The following GDF5 variants were observed in gnomAD, a reference collection of about 807,000 sequenced individuals.
The protein encoded by GDF5 is growth differentiation factor 5, also known as growth/differentiation factor 5.
In GDF5, 17 loss-of-function variants were observed where a neutral mutation model predicts 34.6. That is an observed-to-expected ratio of 0.49 (90% CI 0.34 to 0.74). The LOEUF (loss-of-function observed/expected upper bound fraction) is 0.74. Among genes scored for constraint, GDF5 ranks in the 30% least tolerant of loss-of-function variants. The pLI is 0.01. For synonymous variants in GDF5, 332 were observed against 290.7 expected, an observed-to-expected ratio of 1.14 and a Z score of -1.44; for missense variants, 616 against 661.2, an observed-to-expected ratio of 0.93 and a Z score of 0.75.
At chr20:35,451,052 A>ATATATATATATAT (rs1483480159) in intron 1 of GDF5, among the ~76,000 whole-genome samples, 46 of 22,902 alleles carry the variant, frequency 2.0e-3, no homozygotes, top group African/African-American at 6.9e-3. Context: ...GAAAAAAAAA[A>ATATATATATATAT]AAAAAAAAAA....
rs758024481 is a variant in GDF5, at chr20:35,434,641, C to T, written c.774G>A (p.Gly258=). ...TGGACAGCTTCAGCTGGGCAGCCCGCCCGCCTCCGGGGGCCGCTGGCTTGG... is the reference window on the plus strand; with the variant it reads ...TGGACAGCTTCAGCTGGGCAGCCCGTCCGCCTCCGGGGGCCGCTGGCTTGG... ...DTAKPAAPGG[G]RAAQLKLSSC... is the part of the protein sequence containing the mutation. Residue 258 remains glycine, a synonymous_variant, in exon 2 of 2, where the codon GGG becomes GGA. Transcript: ENST00000374369. 1.2e-5 allele frequency: 19 copies of T among 1,608,370 alleles called. No individual in the cohort carries two copies.
At chr20:35,443,239 T>G (rs746320420) in intron 1 of GDF5, among the ~76,000 whole-genome samples, 4 of 152,202 alleles carry the variant, frequency 2.6e-5, no homozygotes, top group Non-Finnish European at 4.4e-5. Flanking sequence ...AACCAGATGC[T>G]GCCGCTGGCA....
chr20:35,434,639 C>T lies in GDF5; in HGVS notation c.776G>A (p.Arg259Gln). 8.1e-6 allele frequency: 13 copies of T among 1,607,794 alleles called. No individual in the cohort carries two copies. Among genetic ancestry groups the T allele is most frequent in the South Asian group, 1.1e-5 (1 of 90,834 alleles). The stretch of plus-strand genomic sequence containing the variant: ...GCTGGACAGCTTCAGCTGGGCAGCC[C>T]GCCCGCCTCCGGGGGCCGCTGGCTT... ...TAKPAAPGGGRAAQLKLSSCP... is the reference protein window; with the variant it reads ...TAKPAAPGGGQAAQLKLSSCP... The change falls in exon 2 of 2, where the codon CGG (arginine) becomes CAG (glutamine). Residue 259 changes from arginine to glutamine, a missense_variant. Arg to Gln is a conservative substitution (Grantham distance 43). Coordinates refer to ENST00000374369, the MANE Select transcript of GDF5 (RefSeq NM_000557.5).
chr20:35,437,153 A>G, intron 1 of GDF5, 145 bp downstream of exon 1: 2 of 651,232 alleles, frequency 3.1e-6, no homozygotes, highest in South Asian at 3.6e-5. Flanking sequence ...TATGTGTGAG[A>G]TATGTGTCAG....
chr20:35,444,981 G>A (rs1490379556), intron 1 of GDF5, among the ~76,000 whole-genome samples: 2 of 152,144 alleles, frequency 1.3e-5, no homozygotes, highest in Admixed American at 6.5e-5. Flanking sequence ...TGATCCACCC[G>A]CCTCAGCCTC....
chr20:35,437,217 A>G lies in GDF5; in HGVS notation c.631+81T>C, dbSNP rs2062475816. ...TGCACACAGTGTCTCCCACCAGGGC[A>G]GTGCCAGGGCTTTGAAAGCCCCTCC... On this transcript the variant is annotated intron_variant, in intron 1 of 1. Transcript: ENST00000374369. The G allele has an allele frequency of 1.1e-5, 11 of 997,626 alleles. No individual in the cohort carries two copies. In the South Asian group the frequency reaches 1.4e-4, roughly 13 times the overall value. 61.8% of individuals were successfully genotyped at this position (997,626 alleles called of 1,614,324 possible).
exon 1 of GDF5, chr20:35,454,647 T>C (rs905030498): frequency 2.0e-5 from 3 of 152,164 alleles, no homozygotes; most frequent in Non-Finnish European, 4.4e-5. Flanking sequence ...CGCCTGTAAG[T>C]GTTATGCTGC....
chr20:35,443,196 T>C (rs1479940744), upstream of GDF5, among the ~76,000 whole-genome samples: 2 of 152,136 alleles, frequency 1.3e-5, no homozygotes, highest in Non-Finnish European at 2.9e-5. Flanking sequence ...ACTATAAAGG[T>C]GACTAATCAC....
upstream of GDF5, among the ~76,000 whole-genome samples, chr20:35,440,683 C>A (rs988235780): frequency 2.0e-5 from 3 of 152,182 alleles, no homozygotes; most frequent in African/African-American, 7.2e-5. Context: ...TCTGCCTCTG[C>A]CCCCTATCCC....
upstream of GDF5, among the ~76,000 whole-genome samples, chr20:35,438,824 C>CGTGTGT (rs57641919): frequency 0.054 from 6,766 of 126,378 alleles, 234 homozygotes; most frequent in Middle Eastern, 0.076. Context: ...ATTTGTTATG[C>CGTGTGT]GTGTGTGTGT....
rs1320654037 is a variant in GDF5 at position 35,434,223 on chromosome 20, C to A, written c.1192G>T (p.Ala398Ser). The change falls in exon 2 of 2, where the codon GCT becomes TCT. Residue 398 changes from alanine to serine, a missense_variant. Ala to Ser is a moderately conservative substitution (Grantham distance 99). Coordinates refer to ENST00000374369, the MANE Select transcript of GDF5 (RefSeq NM_000557.5). ...QGKRPSKNLKARCSRKALHVN... is the reference protein window; with the variant it reads ...QGKRPSKNLKSRCSRKALHVN... The stretch of plus-strand genomic sequence containing the variant: ...TGCAGTGCCTTCCGACTGCAGCGAG[C>A]CTTAAGGTTCTTGCTGGGTCGCTTG... The A allele has an allele frequency of 1.2e-6, 2 of 1,614,218 alleles. No individual in the cohort carries two copies. Among genetic ancestry groups the A allele is most frequent in the Admixed American group, 1.7e-5 (1 of 60,026 alleles).
rs755054277 is a variant in GDF5, at chr20:35,437,766, G to T, written c.163C>A (p.Arg55=). The T allele has an allele frequency of 7.4e-6, 12 of 1,611,930 alleles. No individual in the cohort carries two copies. The highest frequency in any genetic ancestry group is 9.3e-6 in the Non-Finnish European group (11 of 1,178,934). ...TGACCCCCTGGCCTGAAGACGTTCC[G>T]GGCCAGGGGGGGCCTCTCCTTGGCC... ...AEAKERPPLA[R]NVFRPGGHSY... is the part of the protein sequence containing the mutation. Residue 55 remains arginine (R), a synonymous_variant, in exon 1 of 2, where the codon CGG becomes AGG. Transcript: ENST00000374369.
chr20:35,442,044 T>C (rs1207677872), upstream of GDF5, among the ~76,000 whole-genome samples: 2 of 152,178 alleles, frequency 1.3e-5, no homozygotes, highest in African/African-American at 4.8e-5. Context: ...TCTCACCATG[T>C]TGCCCAGGCT....
chr20:35,445,722 C>A (rs148561211), intron 1 of GDF5, among the ~76,000 whole-genome samples: 2,876 of 151,868 alleles, frequency 0.019, 47 homozygotes, highest in South Asian at 0.099. Flanking sequence ...GTAATCCCAG[C>A]ACTTTGGGAG....
intron 1 of GDF5, among the ~76,000 whole-genome samples, chr20:35,448,569 G>C (rs1356727896): frequency 4.2e-5 from 6 of 144,126 alleles, no homozygotes; most frequent in Admixed American, 2.2e-4. Context: ...TCAGCCTTCC[G>C]AGCAGCTGGG....
In GDF5 at chr20:35,434,578, A is replaced by G; in HGVS notation, c.837T>C (p.Asp279=). The G allele has an allele frequency of 6.3e-7, 1 of 1,588,340 alleles. No individual in the cohort carries two copies. The highest frequency in any genetic ancestry group is 2.3e-5 in the East Asian group (1 of 44,422). Residue 279 remains aspartate, a synonymous_variant, in exon 2 of 2, where the codon GAT becomes GAC. Coordinates refer to ENST00000374369, the MANE Select transcript of GDF5 (RefSeq NM_000557.5). ...PSGRQPAALL[D]VRSVPGLDGS... ...CGTCCAGGCCTGGCACGGAGCGCAC[A>G]TCCAGCAAGGCGGCCGGCTGCCGGC...
chr20:35,454,319 T>G (rs1272902415), intron 1 of GDF5, among the ~76,000 whole-genome samples: 1 of 152,054 alleles, frequency 6.6e-6, no homozygotes. Context: ...CCGGGCGTGG[T>G]GGCGGGCGCC....
At chr20:35,448,103 A>G (rs2062519365) in intron 1 of GDF5, among the ~76,000 whole-genome samples, 1 of 152,252 alleles carries the variant, frequency 6.6e-6, no homozygotes, top group South Asian at 2.1e-4. Context: ...CTCTCCCCTC[A>G]CACCCCAATC....
upstream of GDF5, among the ~76,000 whole-genome samples, chr20:35,440,162 C>T (rs1188466866): frequency 6.6e-6 from 1 of 151,196 alleles, no homozygotes; most frequent in South Asian, 2.1e-4. Context: ...AGTGATCCAC[C>T]CACCTTGGCC....
Sources: gnomAD v4.1 joint callset for allele counts (sites outside exome capture counted in the v4.1 genomes callset) on GRCh38, gnomAD v4.1.1 for gene constraint, MANE v1.5 for transcripts, NCBI Gene and HGNC (gene_info 2026-07-23, HGNC 2026-07-21) for gene names.